FLT3: variants seen among roughly 807,000 people sequenced by gnomAD.
FLT3 encodes fms related receptor tyrosine kinase 3, also known as receptor-type tyrosine-protein kinase FLT3.
A neutral mutation model predicts 126.6 loss-of-function variants in FLT3; 46 were observed. The ratio of observed to expected loss-of-function variants is 0.36; its 90% CI spans 0.29 to 0.46. FLT3 has a LOEUF of 0.46. Ranked by LOEUF, FLT3 falls within the 20% of genes least tolerant of loss-of-function variation. The pLI is 1.00. For missense variants in FLT3, 1,069 were observed against 1,190.3 expected, an observed-to-expected ratio of 0.90 and a Z score of 1.50; for synonymous variants, 404 against 434.4, an observed-to-expected ratio of 0.93 and a Z score of 0.87.
chr13:28,076,811 C>T (rs1340576259), intron 1 of FLT3, among the ~76,000 whole-genome samples: 1 of 152,096 alleles, frequency 6.6e-6, no homozygotes, highest in East Asian at 1.9e-4. Flanking sequence ...TCTGTAGTCC[C>T]AGCTACTCAG....
intron 1 of FLT3, 144 bp from the exon 2 acceptor site, chr13:28,070,756 T>C: frequency 1.6e-6 from 1 of 633,206 alleles, no homozygotes; most frequent in Non-Finnish European, 2.7e-6. Flanking sequence ...TTTGATTTTA[T>C]GCAAGTTTAG....
At chr13:28,098,971 G>A (rs1332692828) in intron 1 of FLT3, among the ~76,000 whole-genome samples, 1 of 152,188 alleles carries the variant, frequency 6.6e-6, no homozygotes, top group Non-Finnish European at 1.5e-5. Context: ...CTGACAGAGA[G>A]GGTGGAGCTA....
At chr13:28,025,262 T>G in intron 17 of FLT3, 1 of 402,186 alleles carries the variant, frequency 2.5e-6, no homozygotes, top group Non-Finnish European at 4.6e-6. Context: ...ATAAATATGA[T>G]TCGAGTGGAA....
chr13:28,005,203 C>G (rs1156739266), intron 23 of FLT3, among the ~76,000 whole-genome samples: 1 of 152,176 alleles, frequency 6.6e-6, no homozygotes, highest in Admixed American at 6.5e-5. Flanking sequence ...GCGGCGCGCG[C>G]CTGCAGTCCC....
intron 23 of FLT3, among the ~76,000 whole-genome samples, chr13:28,005,348 A>G (rs1484290960): frequency 6.6e-6 from 1 of 152,110 alleles, no homozygotes; most frequent in Non-Finnish European, 1.5e-5. Flanking sequence ...AAAAAAGGCT[A>G]CAAGTCATGA....
intron 21 of FLT3, 75 bp downstream of exon 21, chr13:28,015,515 A>C (rs1463793090): frequency 1.6e-5 from 8 of 487,360 alleles, no homozygotes; most frequent in Admixed American, 3.4e-5. Context: ...TGTTGGGGGG[A>C]GGGGTGGGGC....
intron 5 of FLT3, among the ~76,000 whole-genome samples, chr13:28,052,181 G>C (rs994282358): frequency 6.6e-6 from 1 of 151,466 alleles, no homozygotes; most frequent in Non-Finnish European, 1.5e-5. Context: ...CACAACCTTT[G>C]CCTCCCAGGT....
chr13:28,014,529 A>G lies in FLT3; in HGVS notation c.2782T>C (p.Phe928Leu), dbSNP rs1566057194. 1.9e-6 allele frequency: 3 copies of G among 1,613,902 alleles called. No individual in the cohort carries two copies. The highest frequency in any genetic ancestry group is 2.5e-6 in the Non-Finnish European group (3 of 1,179,784). The stretch of plus-strand genomic sequence containing the variant: ...AAGGATGGCCGTTTCCTTGAGTCAA[A>G]AGCCCAGCAGGATTGCATTATAATG... ...IYIIMQSCWA[F>L]DSRKRPSFPN... Residue 928 changes from phenylalanine to leucine, a missense_variant, in exon 23 of 24, where the codon TTT (phenylalanine) becomes CTT (leucine). Phe to Leu is a conservative substitution (Grantham distance 22, BLOSUM62 0). Coordinates refer to ENST00000241453, the MANE Select transcript of FLT3 (RefSeq NM_004119.3).
intron 23 of FLT3, among the ~76,000 whole-genome samples, chr13:28,008,349 G>A (rs1312752494): frequency 6.7e-6 from 1 of 149,036 alleles, no homozygotes; most frequent in African/African-American, 2.5e-5. Flanking sequence ...TCTAATAAAT[G>A]AATTTAGAAT....
At chr13:28,075,986 G>A (rs1484093142) in intron 1 of FLT3, among the ~76,000 whole-genome samples, 1 of 151,932 alleles carries the variant, frequency 6.6e-6, no homozygotes, top group Non-Finnish European at 1.5e-5. Context: ...TAGTAGAAGT[G>A]AGGGTCCCCC....
chr13:28,037,434 C>T (rs1192554218), intron 9 of FLT3, 146 bp from the exon 10 acceptor site: 4 of 606,098 alleles, frequency 6.6e-6, no homozygotes, highest in East Asian at 2.7e-5. Flanking sequence ...ATATTGTAGA[C>T]CCTTGCTACT....
At position 28,038,989 on chromosome 13, in the gene FLT3, G is replaced by A. The variant is rs972388072; in HGVS notation, c.1206-1701C>T. ...ATCAAAGAAGGCAGAGGTCTGTGTC[G>A]GTGGGAAAGGTTCGGGGCCTTCATA... On this transcript the variant is annotated intron_variant, in intron 9 of 23. Transcript: ENST00000241453. Among the ~76,000 whole-genome samples the A allele has an allele frequency of 2.6e-5, 4 of 152,068 alleles. 1 individual carries two copies. Among genetic ancestry groups the A allele is most frequent in the Non-Finnish European group, 5.9e-5 (4 of 68,016 alleles).
At chr13:28,088,479 G>T (rs914859324) in intron 1 of FLT3, among the ~76,000 whole-genome samples, 1 of 151,908 alleles carries the variant, frequency 6.6e-6, no homozygotes, top group Non-Finnish European at 1.5e-5. Context: ...CTAGAGACAG[G>T]GTTTTGCCAT....
At chr13:28,054,983 A>G (rs1418054273) in intron 4 of FLT3, among the ~76,000 whole-genome samples, 2 of 152,116 alleles carry the variant, frequency 1.3e-5, no homozygotes, top group African/African-American at 4.8e-5. Context: ...TAGATTGTTT[A>G]TCTTATTGAC....
At chr13:28,058,220 C>CACA (rs1876204127) in intron 3 of FLT3, among the ~76,000 whole-genome samples, 2 of 127,454 alleles carry the variant, frequency 1.6e-5, no homozygotes, top group South Asian at 4.6e-4. Context: ...AAAAAAAAAA[C>CACA]AAAAAAAAAA....
At chr13:28,035,459 C>T (rs1479865997) in intron 12 of FLT3, 36 bp downstream of exon 12, 1 of 1,589,540 alleles carries the variant, frequency 6.3e-7, no homozygotes, top group Non-Finnish European at 8.6e-7. Flanking sequence ...GTGGGGAATT[C>T]CTGATGGTGG....
intron 12 of FLT3, among the ~76,000 whole-genome samples, chr13:28,035,054 T>C (rs1873706723): frequency 6.6e-6 from 1 of 152,168 alleles, no homozygotes; most frequent in African/African-American, 2.4e-5. Flanking sequence ...GTCAGTTTTG[T>C]GAGGTTGGTG....
rs115543420 is a variant in FLT3, at chr13:28,096,805, A to G, written c.43+3663T>C. On this transcript the variant is annotated intron_variant, in intron 1 of 23. Transcript: ENST00000241453. ...TGGAAGGTTTAATAAAAGAAAGCAT[A>G]CTGAAATACTTTTCCTGGGGAAAGG... 7.3e-3 allele frequency among the ~76,000 whole-genome samples: 1,116 copies of G among 152,302 alleles called. 13 individuals are homozygous for G. Among genetic ancestry groups the G allele is most frequent in the African/African-American group, 0.026 (1,061 of 41,564 alleles).
chr13:28,004,650 G>A (rs1479674415), intron 23 of FLT3, among the ~76,000 whole-genome samples: 3 of 152,068 alleles, frequency 2.0e-5, no homozygotes, highest in African/African-American at 7.2e-5. Flanking sequence ...TATAATAGAT[G>A]TACATATTTT....
Sources: allele counts gnomAD v4.1 joint callset (sites outside exome capture counted in the v4.1 genomes callset), GRCh38; gene constraint gnomAD v4.1.1; transcripts MANE v1.5; gene names NCBI Gene and HGNC (gene_info 2026-07-23, HGNC 2026-07-21).